Variants in BIRC6 observed in about 807,000 individuals in gnomAD.
The protein encoded by BIRC6 is dual E2 ubiquitin-conjugating enzyme/E3 ubiquitin-protein ligase BIRC6.
A neutral mutation model predicts 503.3 loss-of-function variants in BIRC6; 98 were observed. The ratio of observed to expected loss-of-function variants is 0.19; its 90% confidence interval spans 0.17 to 0.23. The LOEUF (loss-of-function observed/expected upper bound fraction) is 0.23, where lower values mean the gene tolerates loss of function less well. Among genes scored for constraint, BIRC6 ranks in the 10% least tolerant of loss-of-function variants. BIRC6 has a pLI of 1.00. For missense variants in BIRC6, 5,360 were observed against 5,806.0 expected (o/e 0.92, Z 2.50); for synonymous variants, 2,240 against 2,078.7 (o/e 1.08, Z -2.11).
At chr2:32,408,600 T>G (rs2041511318) in intron 9 of BIRC6, among the ~76,000 whole-genome samples, 1 of 152,220 alleles carries the variant, frequency 6.6e-6, no homozygotes. Flanking sequence ...GTTTTTACAG[T>G]TACAATACTC....
At chr2:32,608,052 A>G (rs1450101509) in intron 72 of BIRC6, among the ~76,000 whole-genome samples, 1 of 148,376 alleles carries the variant, frequency 6.7e-6, no homozygotes, top group East Asian at 2.0e-4. Context: ...ATATGTATCT[A>G]GTATATGAAA....
In BIRC6 at chr2:32,478,695, G is replaced by A. The variant is rs1436222499; in HGVS notation, c.7129G>A (p.Glu2377Lys). The A allele has an allele frequency of 5.0e-6, 8 of 1,613,850 alleles. No individual in the cohort carries two copies. Among genetic ancestry groups the A allele is most frequent in the Admixed American group, 3.3e-5 (2 of 59,998 alleles). Residue 2377 changes from glutamate (E) to lysine (K), a missense_variant, in exon 36 of 74, where the codon GAA becomes AAA. Physicochemically the swap from Glu to Lys is moderately conservative, Grantham distance 56. Transcript: ENST00000421745. Reference sequence around the variant, plus strand: ...TATTCATCTGTGTGAGATTGTGAACGAACCCCAGCTGGAAAGACTGCTGTT... The same window carrying A: ...TATTCATCTGTGTGAGATTGTGAACAAACCCCAGCTGGAAAGACTGCTGTT... Reference protein sequence around the residue: ...PTIHLCEIVNEPQLERLLLLL... With the variant: ...PTIHLCEIVNKPQLERLLLLL...
At position 32,491,555 on chromosome 2, in the gene BIRC6, A is replaced by G. The variant is rs1219646263; in HGVS notation, c.8337A>G (p.Pro2779=). ...TSPHGTNQHS[P]QVGPTATQAM... Reference sequence around the variant, plus strand: ...CACATGGAACAAATCAACACAGTCCACAGGTAATATGATGTTTAGCCTGGC... The same window carrying G: ...CACATGGAACAAATCAACACAGTCCGCAGGTAATATGATGTTTAGCCTGGC... The change falls in exon 44 of 74, where the codon CCA becomes CCG. Residue 2779 remains proline (P), a synonymous_variant. Transcript: ENST00000421745. The G allele has an allele frequency of 6.2e-7, 1 of 1,612,904 alleles. No homozygotes were observed. Among genetic ancestry groups the G allele is most frequent in the Non-Finnish European group, 8.5e-7 (1 of 1,179,466 alleles).
At chr2:32,614,468 A>G (rs2063101739) in intron 73 of BIRC6, among the ~76,000 whole-genome samples, 1 of 152,198 alleles carries the variant, frequency 6.6e-6, no homozygotes, top group South Asian at 2.1e-4. Flanking sequence ...GGAATTTTCC[A>G]TCTCTGAATT....
intron 15 of BIRC6, among the ~76,000 whole-genome samples, chr2:32,437,359 A>T (rs908690090): frequency 2.6e-5 from 4 of 152,146 alleles, no homozygotes; most frequent in Non-Finnish European, 5.9e-5. Flanking sequence ...GGGGTAAATA[A>T]AAAAAACCAA....
intron 9 of BIRC6, among the ~76,000 whole-genome samples, chr2:32,410,639 G>A (rs1298430069): frequency 1.3e-5 from 2 of 152,020 alleles, no homozygotes; most frequent in East Asian, 1.9e-4. Context: ...TGTAAACAGA[G>A]CTTTGAGTTA....
At chr2:32,465,185 A>ATT (rs374940577) in intron 26 of BIRC6, 21 bp downstream of exon 26, 16,229 of 833,606 alleles carry the variant, frequency 0.019, 155 homozygotes, top group African/African-American at 0.096. Context: ...ACTTTCTTAA[A>ATT]TTTTTTTTTT....
chr2:32,370,133 T>C (rs147383722), intron 1 of BIRC6, among the ~76,000 whole-genome samples: 78 of 151,332 alleles, frequency 5.2e-4, no homozygotes, highest in African/African-American at 1.8e-3. Context: ...ATATAACTTA[T>C]GTGTCCCAAG....
chr2:32,602,878 T>C (rs953845040), intron 70 of BIRC6, 128 bp from the exon 71 acceptor site: 1 of 656,550 alleles, frequency 1.5e-6, no homozygotes, highest in Non-Finnish European at 2.4e-6. Context: ...ACCCTTAGGG[T>C]TTTATCTAGG....
chr2:32,369,520 C>T (rs1418211894), intron 1 of BIRC6, among the ~76,000 whole-genome samples: 3 of 147,820 alleles, frequency 2.0e-5, no homozygotes, highest in Non-Finnish European at 3.0e-5. Flanking sequence ...CTCCGCCTCC[C>T]GGGTTCAAGC....
Position 32,414,870 on chromosome 2 carries a change from G to A in BIRC6, c.1579G>A (p.Val527Met), listed in dbSNP as rs1350780534. 6.2e-7 allele frequency: 1 copy of A among 1,613,942 alleles called. No homozygotes were observed. Among genetic ancestry groups the A allele is most frequent in the Non-Finnish European group, 8.5e-7 (1 of 1,179,892 alleles). Residue 527 changes from valine (V) to methionine (M), a missense_variant, in exon 10 of 74, where the codon GTG (valine) becomes ATG (methionine). By Grantham distance (21) the Val-to-Met change is conservative (BLOSUM62 1). Coordinates refer to ENST00000421745, the MANE Select transcript of BIRC6 (RefSeq NM_016252.4). The part of the protein sequence containing the change: ...EKLQWEIVAN[V>M]LEDTVKDLEE... ...ACTTCAGTGGGAGATTGTTGCAAAT[G>A]TGCTTGAAGATACTGTTAAGGATCT...
rs780249802 is a variant in BIRC6 at position 32,442,326 on chromosome 2, C to T, written c.4109C>T (p.Ser1370Leu). ...AAATGTCTGCTATTGTTTTGCAGCT[C>T]AAAGGAAGGAAATGAGAACCTACTT... ...AGVHSNGPGS[S>L]KEGNENLLSK... is the part of the protein sequence containing the mutation. The change falls in exon 19 of 74, where the codon TCA becomes TTA. Residue 1370 changes from serine to leucine, a missense_variant and splice_region_variant. Physicochemically the swap from Ser to Leu is moderately radical, Grantham distance 145. Coordinates refer to ENST00000421745, the MANE Select transcript of BIRC6 (RefSeq NM_016252.4). 1 of 1,613,012 alleles carries T rather than the reference C, an allele frequency of 6.2e-7. No individual in the cohort carries two copies.
chr2:32,487,877 T>A (rs943603536), intron 41 of BIRC6, 76 bp downstream of exon 41: 2 of 1,238,196 alleles, frequency 1.6e-6, no homozygotes, highest in Non-Finnish European at 2.3e-6. Flanking sequence ...ATTGGGAAGT[T>A]CATTCTAATC....
intron 62 of BIRC6, among the ~76,000 whole-genome samples, chr2:32,543,904 C>T (rs1291611141): frequency 6.6e-6 from 1 of 152,148 alleles, no homozygotes; most frequent in East Asian, 1.9e-4. Context: ...CCCTTCAGTA[C>T]TCTTGAGTGC....
In BIRC6 at chr2:32,614,746, C is replaced by T. The variant is rs150430979; in HGVS notation, c.14395-2979C>T. Among the ~76,000 whole-genome samples, 635 of 152,236 alleles carry T rather than the reference C, an allele frequency of 4.2e-3. 3 individuals carry two copies. The highest frequency in any genetic ancestry group is 0.014 in the African/African-American group (597 of 41,554). Reference sequence around the variant, plus strand: ...GCTGGGGAGGCTGAGGCAGGAAAATCGCCTGAACCCGGGAGGTGGAGGTTG... The same window carrying T: ...GCTGGGGAGGCTGAGGCAGGAAAATTGCCTGAACCCGGGAGGTGGAGGTTG... On this transcript the variant is annotated intron_variant, in intron 73 of 73. Transcript: ENST00000421745.
At chr2:32,501,612 C>T (rs998948327) in intron 46 of BIRC6, 101 bp from the exon 47 acceptor site, 3 of 919,850 alleles carry the variant, frequency 3.3e-6, no homozygotes, top group Non-Finnish European at 3.2e-6. Flanking sequence ...GTCAGGTGAT[C>T]CACCTGCCTC....
rs556087079 is a variant in BIRC6 at position 32,357,625 on chromosome 2, C to A, written c.325+139C>A. The A allele has an allele frequency of 5.0e-6, 7 of 1,408,624 alleles. No homozygotes were observed. The South Asian group carries it at 1.0e-4, about 21-fold the overall frequency. 87.3% of individuals were successfully genotyped at this position (1,408,624 alleles called of 1,614,324 possible). On this transcript the variant is annotated intron_variant, in intron 1 of 73. Coordinates refer to ENST00000421745, the MANE Select transcript of BIRC6 (RefSeq NM_016252.4). The surrounding 1 kb of genome is among the most constrained non-coding windows in gnomAD (Gnocchi z 4.9). ...TCGGGCCCAGCCGTGAAGGGAGGCCCGGAAGCTGATGGAGGGGGACCTTAG... is the reference window on the plus strand; with the variant it reads ...TCGGGCCCAGCCGTGAAGGGAGGCCAGGAAGCTGATGGAGGGGGACCTTAG...
chr2:32,523,664 A>G (rs565134397), intron 57 of BIRC6: 1 of 152,362 alleles, frequency 6.6e-6, no homozygotes, highest in East Asian at 1.9e-4. Flanking sequence ...AAACTGTAAA[A>G]TGAGAGTTAT....
chr2:32,448,335 C>T (rs1268246899), intron 21 of BIRC6, among the ~76,000 whole-genome samples: 3 of 138,982 alleles, frequency 2.2e-5, no homozygotes, highest in Admixed American at 7.2e-5. Context: ...GCCGAGATCA[C>T]GCCACTGCAC....
Sources: allele counts gnomAD v4.1 joint callset (sites outside exome capture counted in the v4.1 genomes callset), GRCh38; gene constraint gnomAD v4.1.1; non-coding constraint Gnocchi (gnomAD v3.1); transcripts MANE v1.5; gene names NCBI Gene and HGNC (gene_info 2026-07-23, HGNC 2026-07-21).